Variants in PMPCA observed in about 807,000 individuals in gnomAD.
The protein encoded by PMPCA is peptidase, mitochondrial processing subunit alpha.
In PMPCA, 47 loss-of-function variants were observed where a neutral mutation model predicts 59.3. The observed-to-expected ratio is 0.79, with a 90% CI of 0.63 to 1.01. PMPCA has a LOEUF of 1.01. PMPCA is among the 50% of genes least tolerant of loss of function. The pLI, the probability that PMPCA is intolerant of heterozygous loss-of-function variation, is 0.00. For missense variants in PMPCA, 726 were observed against 704.5 expected, an observed-to-expected ratio of 1.03 and a Z score of -0.34; for synonymous variants, 338 against 290.3, an observed-to-expected ratio of 1.16 and a Z score of -1.67.
intron 7 of PMPCA, among the ~76,000 whole-genome samples, chr9:136,417,489 T>C (rs567024111): frequency 6.6e-6 from 1 of 151,440 alleles, no homozygotes; most frequent in Admixed American, 6.6e-5. Context: ...TTTTTTTTTT[T>C]AGAGATGGAG....
In PMPCA at chr9:136,419,074, G is replaced by C. The variant is rs1388185881; in HGVS notation, c.1231G>C (p.Glu411Gln). ...VREMVEIITK[E>Q]FILMGGTVDT... is the part of the protein sequence containing the mutation. Reference sequence around the variant, plus strand: ...AGAAATGGTAGAAATCATCACAAAGGAGTTTATTTTAATGGGCGGAACCGT... The same window carrying C: ...AGAAATGGTAGAAATCATCACAAAGCAGTTTATTTTAATGGGCGGAACCGT... The change falls in exon 11 of 13, where the codon GAG (glutamate) becomes CAG (glutamine). Residue 411 changes from glutamate to glutamine, a missense_variant. Glu to Gln is a conservative substitution (Grantham distance 29, BLOSUM62 2). Coordinates refer to ENST00000371717, the MANE Select transcript of PMPCA (RefSeq NM_015160.3). 2.5e-6 allele frequency: 4 copies of C among 1,613,984 alleles called. No homozygotes were observed. The African/African-American group carries it at 5.3e-5, about 22-fold the overall frequency.
chr9:136,422,931 C>G, intron 12 of PMPCA, 164 bp from the exon 13 acceptor site: 2 of 1,437,102 alleles, frequency 1.4e-6, no homozygotes, highest in Non-Finnish European at 9.1e-7. Context: ...GTGGACTCAC[C>G]CTTGGCTACA....
chr9:136,418,501 G>A lies in PMPCA; in HGVS notation c.991-54G>A. On this transcript the variant is annotated intron_variant, in intron 8 of 12. Coordinates refer to ENST00000371717, the MANE Select transcript of PMPCA (RefSeq NM_015160.3). ...TGCCCTCCGTCCCTGGCGTCTGACG[G>A]TGCTCCTGACGTGGCGTGGGTGGTT... 5 of 1,117,848 alleles carry A rather than the reference G, an allele frequency of 4.5e-6. No individual in the cohort carries two copies. The South Asian group carries it at 5.1e-5, about 11-fold the overall frequency. The allele number at this position is 1,117,848 out of a possible 1,614,324, so 69.2% of individuals were successfully genotyped here.
chr9:136,418,693 G>A lies in PMPCA; in HGVS notation c.1109+20G>A. 1 of 1,559,820 alleles carries A rather than the reference G, an allele frequency of 6.4e-7. No homozygotes were observed. Among genetic ancestry groups the A allele is most frequent in the African/African-American group, 1.4e-5 (1 of 73,944 alleles). On this transcript the variant is annotated intron_variant, in intron 9 of 12. Coordinates refer to ENST00000371717, the MANE Select transcript of PMPCA (RefSeq NM_015160.3). ...CAACAGGTGGGTTGCACTCTTTTCTGTATCCTCAGGCCACCAGGCCAGGCC... is the reference window on the plus strand; with the variant it reads ...CAACAGGTGGGTTGCACTCTTTTCTATATCCTCAGGCCACCAGGCCAGGCC...
chr9:136,418,537 TGCC>T lies in PMPCA; in HGVS notation c.991-17_991-15del. On this transcript the variant is annotated splice_polypyrimidine_tract_variant and intron_variant, in intron 8 of 12. Coordinates refer to ENST00000371717, the MANE Select transcript of PMPCA (RefSeq NM_015160.3). ...GTGGCGTGGGTGGTTCAGCCAGCTC[TGCC>T]CTCCGTCCCTGCAGGAGGAGGACTT... 6.7e-7 allele frequency: 1 copy of T among 1,502,464 alleles called. No individual in the cohort carries two copies. The highest frequency in any genetic ancestry group is 9.3e-7 in the Non-Finnish European group (1 of 1,078,898). The allele number at this position is 1,502,464 out of a possible 1,614,324, so 93.1% of individuals were successfully genotyped here.
chr9:136,418,927 C>G lies in PMPCA; in HGVS notation c.1200+9C>G. On this transcript the variant is annotated intron_variant, in intron 10 of 12. Coordinates refer to ENST00000371717, the MANE Select transcript of PMPCA (RefSeq NM_015160.3). The stretch of plus-strand genomic sequence containing the variant: ...GCGCCGACCCAAGACAGGTGAGGGC[C>G]CCGCCTGCCACCGTCCTCAGTGCGG... 3 of 1,612,508 alleles carry G rather than the reference C, an allele frequency of 1.9e-6. No homozygotes were observed. The highest frequency in any genetic ancestry group is 2.5e-6 in the Non-Finnish European group (3 of 1,178,638).
intron 11 of PMPCA, among the ~76,000 whole-genome samples, chr9:136,421,403 CG>C (rs573691938): frequency 6.0e-5 from 7 of 116,114 alleles, no homozygotes; most frequent in African/African-American, 1.8e-4. Context: ...CCTGGGTTCC[CG>C]TTTTTTTTTT....
intron 12 of PMPCA, 135 bp from the exon 13 acceptor site, chr9:136,422,960 G>A: frequency 1.4e-6 from 2 of 1,446,406 alleles, no homozygotes; most frequent in Non-Finnish European, 1.8e-6. Context: ...CTGCCTTTGG[G>A]CCCAGGTGCC....
intron 7 of PMPCA, among the ~76,000 whole-genome samples, chr9:136,417,695 C>T (rs993520176): frequency 2.6e-5 from 4 of 151,870 alleles, no homozygotes; most frequent in African/African-American, 9.7e-5. Flanking sequence ...ACCTCATGAT[C>T]TACCTGCCTC....
intron 3 of PMPCA, 71 bp from the exon 4 acceptor site, chr9:136,412,739 T>G: frequency 9.9e-7 from 1 of 1,011,788 alleles, no homozygotes; most frequent in African/African-American, 1.7e-5. Context: ...CAAAAGTAGA[T>G]TTTAAAAAAA....
chr9:136,418,068 C>T lies in PMPCA; in HGVS notation c.949C>T (p.Leu317Phe). 1.2e-6 allele frequency: 2 copies of T among 1,613,916 alleles called. No homozygotes were observed. The highest frequency in any genetic ancestry group is 1.7e-6 in the Non-Finnish European group (2 of 1,179,740). The change falls in exon 8 of 13, where the codon CTC (leucine) becomes TTC (phenylalanine). Residue 317 changes from leucine (L) to phenylalanine (F), a missense_variant. By Grantham distance (22) the Leu-to-Phe change is conservative (BLOSUM62 0). Coordinates refer to ENST00000371717, the MANE Select transcript of PMPCA (RefSeq NM_015160.3). Reference sequence around the variant, plus strand: ...CCTGGGCCCGACCCCCATCCCCGAGCTCACGCACATCATGGTTGGACTGGA... The same window carrying T: ...CCTGGGCCCGACCCCCATCCCCGAGTTCACGCACATCATGGTTGGACTGGA... Reference protein sequence around the residue: ...VSLGPTPIPELTHIMVGLESC... With the variant: ...VSLGPTPIPEFTHIMVGLESC...
At chr9:136,422,225 C>T (rs1835476710) in intron 12 of PMPCA, 3 of 1,443,952 alleles carry the variant, frequency 2.1e-6, no homozygotes, top group Non-Finnish European at 9.2e-7. Flanking sequence ...CTCTGCACCC[C>T]TGGGAGGGGC....
chr9:136,416,015 G>C (rs1345542479), intron 5 of PMPCA: 1 of 545,282 alleles, frequency 1.8e-6, no homozygotes, highest in Non-Finnish European at 3.3e-6. Flanking sequence ...AGTGTCTTCG[G>C]TGCCTTTCAC....
rs777891376 is a variant in PMPCA, at chr9:136,412,485, A to G, written c.275-5A>G. On this transcript the variant is annotated splice_region_variant and splice_polypyrimidine_tract_variant and intron_variant, in intron 2 of 12. Coordinates refer to ENST00000371717, the MANE Select transcript of PMPCA (RefSeq NM_015160.3). ...GTAACCTGTCAATTTTCTTTTTACT[A>G]CTAGTTCTTATCAATTCAGGATCGA... is the stretch of plus-strand genomic sequence containing the variant. 1 of 1,426,110 alleles carries G rather than the reference A, an allele frequency of 7.0e-7. No homozygotes were observed. The highest frequency in any genetic ancestry group is 9.8e-7 in the Non-Finnish European group (1 of 1,021,326). The allele number at this position is 1,426,110 out of a possible 1,614,324, so 88.3% of individuals were successfully genotyped here.
At chr9:136,413,870 G>A (rs1476155869) in intron 4 of PMPCA, among the ~76,000 whole-genome samples, 1 of 152,230 alleles carries the variant, frequency 6.6e-6, no homozygotes, top group African/African-American at 2.4e-5. Context: ...AGAGGCACTG[G>A]TGACTGCGTC....
In PMPCA at chr9:136,411,774, T is replaced by C. The variant is rs181594926; in HGVS notation, c.72-223T>C. Among the ~76,000 whole-genome samples, 3 of 152,364 alleles carry C rather than the reference T, an allele frequency of 2.0e-5. No individual in the cohort carries two copies. In the East Asian group the frequency reaches 5.8e-4, roughly 29 times the overall value. ...TTAATAAGCCCTGTTTTTACAGAGA[T>C]AGCAACTAAGACCCAAAGGACGGAA... On this transcript the variant is annotated intron_variant, in intron 1 of 12. Transcript: ENST00000371717.
At position 136,412,603 on chromosome 9, in the gene PMPCA, A is replaced by G. The variant is rs1183813211; in HGVS notation, c.354+34A>G. 4 of 1,103,316 alleles carry G rather than the reference A, an allele frequency of 3.6e-6. No individual in the cohort carries two copies. The African/African-American group carries it at 4.7e-5, about 13-fold the overall frequency. 68.3% of individuals were successfully genotyped at this position (1,103,316 alleles called of 1,614,324 possible). A position where few individuals can be genotyped will look rare whatever the true frequency, so the allele number is the denominator to read the frequency against. ...CCAGTTTTGTAATTTTTTAGACTAT[A>G]CTTTTGAAGGATGTTTGAGATTTTT... On this transcript the variant is annotated intron_variant, in intron 3 of 12. Coordinates refer to ENST00000371717, the MANE Select transcript of PMPCA (RefSeq NM_015160.3).
chr9:136,417,256 C>T (rs779423748), intron 7 of PMPCA, 42 bp downstream of exon 7: 9 of 1,511,340 alleles, frequency 6.0e-6, no homozygotes, highest in South Asian at 2.5e-5. Context: ...GTGGGGAACA[C>T]GTCCCCTGGC....
intron 1 of PMPCA, chr9:136,411,086 C>T (rs1456173489): frequency 3.8e-6 from 1 of 266,120 alleles, no homozygotes; most frequent in African/African-American, 2.2e-5. Context: ...CTGTTAGACC[C>T]GCAGGGTTCT....
Sources: allele counts gnomAD v4.1 joint callset (sites outside exome capture counted in the v4.1 genomes callset), GRCh38; gene constraint gnomAD v4.1.1; transcripts MANE v1.5; gene names NCBI Gene and HGNC (gene_info 2026-07-23, HGNC 2026-07-21).